The following GNG7 variants were observed in gnomAD, a reference collection of about 807,000 sequenced individuals.
GNG7 encodes the protein G protein subunit gamma 7.
A neutral mutation model predicts 4.0 loss-of-function variants in GNG7; 1 was observed. That is an observed-to-expected ratio of 0.25 (90% CI 0.09 to 1.18). The LOEUF (loss-of-function observed/expected upper bound fraction) is 1.18. Among genes scored for constraint, GNG7 ranks in the 50% most tolerant of loss-of-function variants. The pLI, the probability that GNG7 is intolerant of heterozygous loss-of-function variation, is 0.50. For missense variants in GNG7, 86 were observed against 91.9 expected (o/e 0.94, Z 0.26); for synonymous variants, 34 against 36.9 (o/e 0.92, Z 0.29).
In GNG7 at chr19:2,653,111, A is replaced by G. The variant is rs1334243764; in HGVS notation, c.-134-6831T>C. On this transcript the variant is annotated intron_variant, in intron 1 of 4. Coordinates refer to ENST00000382159, the MANE Select transcript of GNG7 (RefSeq NM_052847.3). The surrounding 1 kb of genome is among the most constrained non-coding windows in gnomAD (Gnocchi z 4.8). ...GACTCAAATAAATAAATCAAAATAA[A>G]ATAAAATAAATAATAGAAACTGAAA... 1.3e-5 allele frequency among the ~76,000 whole-genome samples: 2 copies of G among 152,138 alleles called. No homozygotes were observed. The highest frequency in any genetic ancestry group is 3.8e-4 in the East Asian group (2 of 5,198).
chr19:2,679,866 T>G (rs1983687494), intron 1 of GNG7, among the ~76,000 whole-genome samples: 1 of 152,182 alleles, frequency 6.6e-6, no homozygotes, highest in African/African-American at 2.4e-5. Flanking sequence ...AGACATGACC[T>G]GCTCAGTAGT....
At chr19:2,516,950 G>A (rs1249376075) in intron 4 of GNG7, 1 of 152,198 alleles carries the variant, frequency 6.6e-6, no homozygotes, top group Non-Finnish European at 1.5e-5. Context: ...ACCCCAGCAG[G>A]GCTGGGGCTG....
At chr19:2,661,583 G>T (rs116858379) in intron 1 of GNG7, among the ~76,000 whole-genome samples, 3 of 146,632 alleles carry the variant, frequency 2.0e-5, no homozygotes, top group Non-Finnish European at 3.0e-5. Flanking sequence ...TGAGGCAGAA[G>T]AATTGCATGA....
intron 2 of GNG7, among the ~76,000 whole-genome samples, chr19:2,567,553 T>C (rs1979960964): frequency 6.6e-6 from 1 of 152,122 alleles, no homozygotes; most frequent in Admixed American, 6.6e-5. Context: ...CTTGAGCTCC[T>C]GAGCTCAAGC....
intron 2 of GNG7, among the ~76,000 whole-genome samples, chr19:2,568,437 C>A (rs1213427641): frequency 4.2e-5 from 5 of 118,740 alleles, no homozygotes; most frequent in Non-Finnish European, 9.5e-5. Flanking sequence ...CATACATATA[C>A]ATACACACAT....
chr19:2,575,562 CAGGCACACGCAG>C (rs1568249800), intron 2 of GNG7, among the ~76,000 whole-genome samples: 42 of 83,690 alleles, frequency 5.0e-4, no homozygotes, highest in African/African-American at 2.3e-3. Flanking sequence ...CAGACACACG[CAGGCACACGCAG>C]ACACGCAGGC....
rs887476112 is a variant in GNG7, at chr19:2,511,809, C to G, written c.*3213G>C. The stretch of plus-strand genomic sequence containing the variant: ...GTTTATGTCCCCAGAGGCCAGAGGT[C>G]GCAGCTGAGCTATCTGTGCTTGGCC... On this transcript the variant is annotated 3_prime_UTR_variant, in exon 5 of 5. Transcript: ENST00000382159. The surrounding 1 kb of genome is among the most constrained non-coding windows in gnomAD (Gnocchi z 6.3). 1 of 986,260 alleles carries G rather than the reference C, an allele frequency of 1.0e-6. No homozygotes were observed. The highest frequency in any genetic ancestry group is 1.2e-6 in the Non-Finnish European group (1 of 830,254). 61.1% of individuals were successfully genotyped at this position (986,260 alleles called of 1,614,324 possible).
chr19:2,614,848 T>C lies in GNG7; in HGVS notation c.-78+31376A>G, dbSNP rs1599423056. Among the ~76,000 whole-genome samples the C allele has an allele frequency of 6.6e-6, 1 of 152,228 alleles. No homozygotes were observed. The highest frequency in any genetic ancestry group is 2.4e-5 in the African/African-American group (1 of 41,464). On this transcript the variant is annotated intron_variant, in intron 2 of 4. Coordinates refer to ENST00000382159, the MANE Select transcript of GNG7 (RefSeq NM_052847.3). This position sits in a 1 kb window ranked among gnomAD's most constrained non-coding sequence, Gnocchi z 6.0. ...TGTGGCGACTCCGCGTTCAGCCTTT[T>C]GAGGAACCACCAGACTGGTTTCCAA...
At chr19:2,535,689 T>G (rs1193238301) in intron 3 of GNG7, among the ~76,000 whole-genome samples, 1 of 152,198 alleles carries the variant, frequency 6.6e-6, no homozygotes, top group Non-Finnish European at 1.5e-5. Flanking sequence ...TATTTCTTTT[T>G]GGAACACATG....
chr19:2,607,614 T>C (rs1981431727), intron 2 of GNG7, among the ~76,000 whole-genome samples: 1 of 132,130 alleles, frequency 7.6e-6, no homozygotes, highest in South Asian at 2.3e-4. Flanking sequence ...AAGAAATACA[T>C]ATTAGGATGG....
At chr19:2,593,981 G>A (rs1599410746) in intron 2 of GNG7, among the ~76,000 whole-genome samples, 1 of 147,592 alleles carries the variant, frequency 6.8e-6, no homozygotes, top group African/African-American at 2.5e-5. Flanking sequence ...TCTCAAATCT[G>A]GATTAAATAC....
At chr19:2,562,533 T>C (rs1324289945) in intron 2 of GNG7, among the ~76,000 whole-genome samples, 1 of 151,954 alleles carries the variant, frequency 6.6e-6, no homozygotes, top group Admixed American at 6.6e-5. Context: ...TACAACAGGG[T>C]TTTTCCCCCC....
chr19:2,547,733 C>T (rs530271335), intron 3 of GNG7, among the ~76,000 whole-genome samples: 1 of 152,316 alleles, frequency 6.6e-6, no homozygotes, highest in Admixed American at 6.5e-5. Flanking sequence ...GGCCATGGTG[C>T]AGGGAGTTCA....
chr19:2,683,020 C>T (rs137876622), intron 1 of GNG7, among the ~76,000 whole-genome samples: 1,975 of 152,058 alleles, frequency 0.013, 43 homozygotes, highest in African/African-American at 0.045. Flanking sequence ...ATCACGAGGT[C>T]AGGAGATCGA....
chr19:2,573,245 A>T (rs1274326981), intron 2 of GNG7, among the ~76,000 whole-genome samples: 3 of 148,762 alleles, frequency 2.0e-5, no homozygotes, highest in South Asian at 2.2e-4. Context: ...CTGGTCTCGA[A>T]CTCCCAACCT....
chr19:2,651,228 CTTCCTTCCTTCCTTCCT>C (rs1378085112), intron 1 of GNG7, among the ~76,000 whole-genome samples: 55 of 95,294 alleles, frequency 5.8e-4, no homozygotes, highest in African/African-American at 1.6e-3. Flanking sequence ...GTCCGACTTC[CTTCCTTCCTTCCTTCCT>C]TTCCTTCCTT....
chr19:2,616,517 C>T (rs1981728601), intron 2 of GNG7, among the ~76,000 whole-genome samples: 1 of 152,170 alleles, frequency 6.6e-6, no homozygotes, highest in Non-Finnish European at 1.5e-5. Context: ...TGGCTCATGC[C>T]TATAATCCCA....
rs1158778721 is a variant in GNG7, at chr19:2,611,006, G to C, written c.-78+35218C>G. On this transcript the variant is annotated intron_variant, in intron 2 of 4. Transcript: ENST00000382159. This position sits in a 1 kb window ranked among gnomAD's most constrained non-coding sequence, Gnocchi z 6.0. The stretch of plus-strand genomic sequence containing the variant: ...GGAACGGGCTCACGTGCCAGGCTCG[G>C]GGGGGGGGAAGCGTCCTCAACATTC... The C allele has an allele frequency of 1.9e-5, 2 of 103,126 alleles. No individual in the cohort carries two copies. The highest frequency in any genetic ancestry group is 3.6e-4 in the South Asian group (1 of 2,796). 6.4% of individuals were successfully genotyped at this position (103,126 alleles called of 1,614,324 possible). A position where few individuals can be genotyped will look rare whatever the true frequency, so the allele number is the denominator to read the frequency against.
At chr19:2,637,227 G>A (rs1232775584) in intron 2 of GNG7, among the ~76,000 whole-genome samples, 6 of 147,694 alleles carry the variant, frequency 4.1e-5, no homozygotes, top group African/African-American at 1.2e-4. Flanking sequence ...CCGCCCCCGA[G>A]CCCGGCCCGT....
Sources: gnomAD v4.1 joint callset for allele counts (sites outside exome capture counted in the v4.1 genomes callset) on GRCh38, gnomAD v4.1.1 for gene constraint, Gnocchi (gnomAD v3.1) non-coding constraint, MANE v1.5 for transcripts, NCBI Gene and HGNC (gene_info 2026-07-23, HGNC 2026-07-21) for gene names.